The following LRRC51 variants were observed in gnomAD, a reference collection of about 807,000 sequenced individuals.
The protein encoded by LRRC51 is leucine-rich repeat-containing protein 51.
Under a neutral mutation model 17.8 loss-of-function variants are expected in LRRC51, and 8 were observed. The observed-to-expected ratio is 0.45, with a 90% CI of 0.26 to 0.81. LRRC51 has a LOEUF of 0.81. LRRC51 is among the 30% of genes least tolerant of loss of function. The probability of loss-of-function intolerance (pLI) is 0.17; values close to 1 mark genes in which losing one functional copy is unlikely to be tolerated. For synonymous variants in LRRC51, 92 were observed against 96.0 expected (o/e 0.96, Z 0.24); for missense variants, 233 against 239.3 (o/e 0.97, Z 0.17).
At chr11:72,083,047 T>C (rs1944334197) in intron 1 of LRRC51, among the ~76,000 whole-genome samples, 1 of 152,196 alleles carries the variant, frequency 6.6e-6, no homozygotes, top group African/African-American at 2.4e-5. Flanking sequence ...ATATTTTTAG[T>C]AGAGACGGGG....
At chr11:72,093,401 C>T in intron 3 of LRRC51, 95 bp from the exon 4 acceptor site, 1 of 1,221,498 alleles carries the variant, frequency 8.2e-7, no homozygotes, top group East Asian at 2.5e-5. Flanking sequence ...CCTCCAGCTA[C>T]AGCCTGGATG....
At chr11:72,093,774 C>A in intron 4 of LRRC51, 73 bp downstream of exon 4, 1 of 1,348,886 alleles carries the variant, frequency 7.4e-7, no homozygotes, top group Non-Finnish European at 1.1e-6. Context: ...CCTCTCCACT[C>A]CTACATGTTA....
intron 1 of LRRC51, among the ~76,000 whole-genome samples, chr11:72,082,864 A>G (rs1408697027): frequency 6.9e-6 from 1 of 145,506 alleles, no homozygotes; most frequent in African/African-American, 2.5e-5. Context: ...CCCACCCCCA[A>G]TTTTTTTTTT....
intron 3 of LRRC51, chr11:72,089,507 T>A: frequency 7.9e-7 from 1 of 1,262,362 alleles, no homozygotes; most frequent in Non-Finnish European, 1.0e-6. Context: ...GGAAGAAAAC[T>A]GGGAAGCCAG....
intron 2 of LRRC51, 124 bp from the exon 3 acceptor site, chr11:72,088,905 T>C: frequency 8.8e-7 from 1 of 1,138,582 alleles, no homozygotes; most frequent in South Asian, 1.4e-5. Flanking sequence ...TGATTTCATA[T>C]CTTAAAATGG....
At position 72,096,586 on chromosome 11, in the gene LRRC51, T is replaced by C; in HGVS notation, c.*1066T>C. The C allele has an allele frequency of 7.1e-7, 1 of 1,418,136 alleles. No individual in the cohort carries two copies. Among genetic ancestry groups the C allele is most frequent in the Non-Finnish European group, 9.2e-7 (1 of 1,083,732 alleles). The allele number at this position is 1,418,136 out of a possible 1,614,324, so 87.8% of individuals were successfully genotyped here. ...AAGGGAGGCAATTGAGGGAAAGGCC[T>C]GCTGGCCTGGGACACTGGAGACGTG... On this transcript the variant is annotated 3_prime_UTR_variant, in exon 6 of 6. Transcript: ENST00000289488.
In LRRC51 at chr11:72,095,656, T is replaced by C; in HGVS notation, c.*136T>C. 1 of 1,537,220 alleles carries C rather than the reference T, an allele frequency of 6.5e-7. No individual in the cohort carries two copies. The highest frequency in any genetic ancestry group is 8.8e-7 in the Non-Finnish European group (1 of 1,141,598). ...GTTCTCTAACTCAGGCAACTGCAAGTAGCTCTAGCCTTTTCTTTTCTTTTT... is the reference window on the plus strand; with the variant it reads ...GTTCTCTAACTCAGGCAACTGCAAGCAGCTCTAGCCTTTTCTTTTCTTTTT... On this transcript the variant is annotated 3_prime_UTR_variant, in exon 6 of 6. Transcript: ENST00000289488.
chr11:72,095,266 A>C, intron 5 of LRRC51, 113 bp from the exon 6 acceptor site: 1 of 1,597,510 alleles, frequency 6.3e-7, no homozygotes, highest in South Asian at 1.1e-5. Flanking sequence ...ATCTTTCCCA[A>C]ACTATGCTCA....
chr11:72,083,776 A>G (rs1944374638), intron 1 of LRRC51: 1 of 152,174 alleles, frequency 6.6e-6, no homozygotes, highest in East Asian at 1.9e-4. Flanking sequence ...GAAAAACTAT[A>G]TTCCAAGCAG....
intron 1 of LRRC51, chr11:72,086,247 T>G: frequency 1.7e-6 from 1 of 592,442 alleles, no homozygotes. Context: ...CAGCTGTTAC[T>G]TGGAACTGGA....
intron 3 of LRRC51, chr11:72,089,452 T>C: frequency 1.5e-6 from 2 of 1,347,574 alleles, no homozygotes; most frequent in Non-Finnish European, 1.9e-6. Context: ...ATCACAGTAG[T>C]TGATCATCTT....
chr11:72,094,838 G>A (rs1945084222), intron 4 of LRRC51, 110 bp from the exon 5 acceptor site: 3 of 1,606,508 alleles, frequency 1.9e-6, no homozygotes, highest in African/African-American at 1.3e-5. Context: ...GGTTGGAGTG[G>A]AGGGCAGGTT....
intron 1 of LRRC51, among the ~76,000 whole-genome samples, chr11:72,084,886 G>C (rs1944445052): frequency 7.8e-6 from 1 of 127,500 alleles, no homozygotes; most frequent in African/African-American, 3.2e-5. Flanking sequence ...GTGTGTGTGT[G>C]TGTGTGTGTG....
In LRRC51 at chr11:72,093,680, T is replaced by C; in HGVS notation, c.267T>C (p.Asn89=). The C allele has an allele frequency of 1.2e-6, 2 of 1,614,244 alleles. No homozygotes were observed. The highest frequency in any genetic ancestry group is 4.5e-5 in the East Asian group (2 of 44,892). ...TGGCCTGGATCGACCTGTCCTTTAATGACCTGACTTCCATTGACCCTGTGA... is the reference window on the plus strand; with the variant it reads ...TGGCCTGGATCGACCTGTCCTTTAACGACCTGACTTCCATTGACCCTGTGA... ...ENLAWIDLSF[N]DLTSIDPVLT... Residue 89 remains asparagine (N), a synonymous_variant, in exon 4 of 6, where the codon AAT becomes AAC. Transcript: ENST00000289488.
chr11:72,094,507 G>A, intron 4 of LRRC51: 2 of 588,768 alleles, frequency 3.4e-6, no homozygotes, highest in South Asian at 4.2e-5. Flanking sequence ...TCCCTAAGAG[G>A]GGAAAGGAGC....
intron 1 of LRRC51, among the ~76,000 whole-genome samples, chr11:72,082,023 C>G (rs1944247387): frequency 6.6e-6 from 1 of 152,192 alleles, no homozygotes. Context: ...AGCTAAGTCT[C>G]TTTAGCTTCA....
At chr11:72,084,861 CGTGTGTGTGTGTGTGTGTGT>C (rs55904624) in intron 1 of LRRC51, among the ~76,000 whole-genome samples, 15 of 124,318 alleles carry the variant, frequency 1.2e-4, no homozygotes, top group East Asian at 4.7e-4. Flanking sequence ...AAAAGAAAAC[CGTGTGTGTGTGTGTGTGTGT>C]GTGTGTGTGT....
At chr11:72,081,962 C>A (rs749302753) in intron 1 of LRRC51, among the ~76,000 whole-genome samples, 2 of 152,166 alleles carry the variant, frequency 1.3e-5, no homozygotes, top group African/African-American at 2.4e-5. Flanking sequence ...CCCAAGGCCA[C>A]ACACCAAATT....
At position 72,084,852 on chromosome 11, in the gene LRRC51, AAAG is replaced by A. The variant is rs1168724036; in HGVS notation, c.-139-3442_-139-3440del. ...ACCTTGTCTCAAAAAAAAAAAAAAAAAAGAAAACCGTGTGTGTGTGTGTGTGTG... is the reference window on the plus strand; with the variant it reads ...ACCTTGTCTCAAAAAAAAAAAAAAAAAAAACCGTGTGTGTGTGTGTGTGTG... On this transcript the variant is annotated intron_variant, in intron 1 of 5. Coordinates refer to ENST00000289488, the MANE Select transcript of LRRC51 (RefSeq NM_145309.6). 4.1e-5 allele frequency among the ~76,000 whole-genome samples: 6 copies of A among 146,046 alleles called. No homozygotes were observed. The East Asian group carries it at 1.0e-3, about 24-fold the overall frequency.
Sources: allele counts gnomAD v4.1 joint callset (sites outside exome capture counted in the v4.1 genomes callset), GRCh38; gene constraint gnomAD v4.1.1; transcripts MANE v1.5; gene names NCBI Gene and HGNC (gene_info 2026-07-23, HGNC 2026-07-21).